Variants in GRID1 observed in about 807,000 individuals in gnomAD.
GRID1 encodes the protein glutamate receptor ionotropic, delta-1.
In GRID1, 28 loss-of-function variants were observed where a neutral mutation model predicts 98.0. The ratio of observed to expected loss-of-function variants is 0.29; its 90% CI spans 0.21 to 0.39. GRID1 has a LOEUF of 0.39. Among genes scored for constraint, GRID1 ranks in the 10% least tolerant of loss-of-function variants. The pLI, the probability that GRID1 is intolerant of heterozygous loss-of-function variation, is 1.00. For missense variants in GRID1, 1,111 were observed against 1,340.5 expected (o/e 0.83, Z 2.67); for synonymous variants, 553 against 538.5 (o/e 1.03, Z -0.37).
intron 8 of GRID1, among the ~76,000 whole-genome samples, chr10:85,730,003 T>C (rs1841805425): frequency 6.6e-6 from 1 of 152,222 alleles, no homozygotes; most frequent in Non-Finnish European, 1.5e-5. Context: ...GGCCCTTGAG[T>C]TCAGCCATTG....
intron 4 of GRID1, among the ~76,000 whole-genome samples, chr10:86,055,522 C>T (rs1396686017): frequency 6.6e-6 from 1 of 152,042 alleles, no homozygotes; most frequent in African/African-American, 2.4e-5. Flanking sequence ...GCAGGTGGAC[C>T]ACTTGAGGTC....
chr10:86,070,128 T>C (rs1408243616), intron 4 of GRID1, among the ~76,000 whole-genome samples: 5 of 152,236 alleles, frequency 3.3e-5, no homozygotes, highest in African/African-American at 1.2e-4. Context: ...CGATAATTTA[T>C]GCTTCCTGCA....
chr10:85,732,769 C>A (rs1239993881), intron 8 of GRID1, among the ~76,000 whole-genome samples: 1 of 152,110 alleles, frequency 6.6e-6, no homozygotes, highest in African/African-American at 2.4e-5. Context: ...CTTTTTCTTA[C>A]AGAATAAATC....
chr10:86,034,376 C>T (rs1383995110), intron 4 of GRID1, among the ~76,000 whole-genome samples: 1 of 152,144 alleles, frequency 6.6e-6, no homozygotes, highest in Non-Finnish European at 1.5e-5. Flanking sequence ...TACCCACCAG[C>T]TGCTAATGGC....
chr10:85,998,787 A>G (rs750257133), intron 4 of GRID1, among the ~76,000 whole-genome samples: 2 of 152,242 alleles, frequency 1.3e-5, no homozygotes, highest in Non-Finnish European at 2.9e-5. Context: ...ACAAATAACC[A>G]ATTTTAGAAA....
chr10:86,129,120 T>C (rs766810828), intron 4 of GRID1, among the ~76,000 whole-genome samples: 2 of 152,162 alleles, frequency 1.3e-5, no homozygotes, highest in Non-Finnish European at 2.9e-5. Context: ...TAGAAACTGC[T>C]CTTCTAGTTG....
chr10:85,768,592 A>G (rs1842220947), intron 8 of GRID1, among the ~76,000 whole-genome samples: 1 of 152,270 alleles, frequency 6.6e-6, no homozygotes, highest in Admixed American at 6.5e-5. Context: ...AAGACTAGCC[A>G]TTAACAGAAA....
chr10:85,657,955 G>A (rs921015957), intron 12 of GRID1, among the ~76,000 whole-genome samples: 1 of 152,152 alleles, frequency 6.6e-6, no homozygotes, highest in Non-Finnish European at 1.5e-5. Flanking sequence ...CTAGCTCTCA[G>A]CTCTCAACAC....
intron 2 of GRID1, among the ~76,000 whole-genome samples, chr10:86,325,259 A>G (rs1173214587): frequency 6.6e-6 from 1 of 152,252 alleles, no homozygotes; most frequent in Non-Finnish European, 1.5e-5. Context: ...TGCATATATT[A>G]ACTAATATCA....
intron 13 of GRID1, among the ~76,000 whole-genome samples, chr10:85,620,578 T>C (rs577307178): frequency 6.6e-6 from 1 of 152,248 alleles, no homozygotes; most frequent in African/African-American, 2.4e-5. Context: ...TGACTTAATA[T>C]CAAGCACAAG....
At chr10:85,978,851 C>G (rs1842507541) in intron 4 of GRID1, among the ~76,000 whole-genome samples, 2 of 152,222 alleles carry the variant, frequency 1.3e-5, no homozygotes, top group Non-Finnish European at 2.9e-5. Flanking sequence ...CCTGTTTACT[C>G]ACATCCTCCT....
intron 4 of GRID1, among the ~76,000 whole-genome samples, chr10:86,091,824 A>G (rs1445220972): frequency 1.3e-5 from 2 of 151,972 alleles, no homozygotes; most frequent in African/African-American, 2.4e-5. Context: ...TGTGCAGACA[A>G]CCCCCAATAC....
intron 13 of GRID1, among the ~76,000 whole-genome samples, chr10:85,624,784 T>C (rs1468408151): frequency 6.6e-6 from 1 of 152,210 alleles, no homozygotes; most frequent in African/African-American, 2.4e-5. Context: ...AAGCTGCTCA[T>C]GTCTTTCACC....
intron 4 of GRID1, among the ~76,000 whole-genome samples, chr10:85,977,425 ATGT>A (rs1842486299): frequency 6.6e-6 from 1 of 152,200 alleles, no homozygotes; most frequent in Non-Finnish European, 1.5e-5. Flanking sequence ...AGGGACTCTG[ATGT>A]TGTAGAAAAT....
At chr10:85,742,046 C>A (rs192752435) in intron 8 of GRID1, among the ~76,000 whole-genome samples, 8 of 152,302 alleles carry the variant, frequency 5.3e-5, no homozygotes, top group African/African-American at 1.9e-4. Context: ...TTTTTAAACA[C>A]AAGACCTTGC....
rs934297160 is a variant in GRID1 at position 86,338,314 on chromosome 10, G to A, written c.235+25627C>T. ...GACCTCTTTCCCCTCGAGTGGAAAG[G>A]GAATGTGGTCTTTTCTCTGCCATTT... is the stretch of plus-strand genomic sequence containing the variant. On this transcript the variant is annotated intron_variant, in intron 2 of 15. Coordinates refer to ENST00000327946, the MANE Select transcript of GRID1 (RefSeq NM_017551.3). Among the ~76,000 whole-genome samples, 3 of 152,136 alleles carry A rather than the reference G, an allele frequency of 2.0e-5. No individual in the cohort carries two copies. In the East Asian group the frequency reaches 5.8e-4, roughly 29 times the overall value.
At chr10:85,665,479 T>C (rs1841008993) in intron 12 of GRID1, among the ~76,000 whole-genome samples, 1 of 152,176 alleles carries the variant, frequency 6.6e-6, no homozygotes, top group Admixed American at 6.5e-5. Context: ...TTCCAGGCAC[T>C]TTACCTAAAT....
intron 8 of GRID1, among the ~76,000 whole-genome samples, chr10:85,791,770 A>G (rs1213611385): frequency 6.6e-6 from 1 of 152,218 alleles, no homozygotes; most frequent in Admixed American, 6.5e-5. Flanking sequence ...GGTCTCTTGA[A>G]GGAAAAAGAA....
At chr10:86,006,532 C>T (rs981654460) in intron 4 of GRID1, among the ~76,000 whole-genome samples, 3 of 151,970 alleles carry the variant, frequency 2.0e-5, no homozygotes, top group African/African-American at 7.2e-5. Context: ...GTGGGAGAAT[C>T]GCTTGAACCC....
Sources: gnomAD v4.1 joint callset for allele counts (sites outside exome capture counted in the v4.1 genomes callset) on GRCh38, gnomAD v4.1.1 for gene constraint, MANE v1.5 for transcripts, NCBI Gene and HGNC (gene_info 2026-07-23, HGNC 2026-07-21) for gene names.